The following OTP variants were observed in gnomAD, a reference collection of about 807,000 sequenced individuals.
OTP encodes the protein homeobox protein orthopedia.
In OTP, 5 loss-of-function variants were observed where a neutral mutation model predicts 22.3. That is an observed-to-expected ratio of 0.22 (90% CI 0.12 to 0.47). The LOEUF is 0.47. Among genes scored for constraint, OTP ranks in the 20% least tolerant of loss-of-function variants. The probability of loss-of-function intolerance (pLI) is 0.99; values close to 1 mark genes in which losing one functional copy is unlikely to be tolerated. For synonymous variants in OTP, 229 were observed against 210.6 expected, an observed-to-expected ratio of 1.09 and a Z score of -0.76; for missense variants, 428 against 456.2, an observed-to-expected ratio of 0.94 and a Z score of 0.56.
At chr5:77,636,581 T>G in intron 2 of OTP, 15 of 432,534 alleles carry the variant, frequency 3.5e-5, no homozygotes, top group Admixed American at 4.0e-5. Context: ...CGGGCTTCGA[T>G]TTTGAGGAGC....
chr5:77,633,653 A>G (rs1242053608), intron 2 of OTP, among the ~76,000 whole-genome samples: 2 of 152,184 alleles, frequency 1.3e-5, no homozygotes, highest in South Asian at 2.1e-4. Flanking sequence ...CACTTTCATG[A>G]TATCTGCTGT....
At chr5:77,631,080 T>A (rs1744922580) in intron 2 of OTP, among the ~76,000 whole-genome samples, 1 of 152,232 alleles carries the variant, frequency 6.6e-6, no homozygotes, top group Non-Finnish European at 1.5e-5. Flanking sequence ...ATGTGTGCAG[T>A]CTTCACCACG....
intron 2 of OTP, among the ~76,000 whole-genome samples, chr5:77,634,668 A>AAATT: frequency 6.6e-6 from 1 of 152,350 alleles, no homozygotes; most frequent in South Asian, 2.1e-4. Flanking sequence ...GCAATGGTAC[A>AAATT]GTGAATTGTG....
chr5:77,630,355 G>A lies in OTP; in HGVS notation c.887C>T (p.Ser296Phe), dbSNP rs1287409265. The change falls in exon 3 of 3, where the codon TCC becomes TTC. Residue 296 changes from serine to phenylalanine, a missense_variant. By Grantham distance (155) the Ser-to-Phe change is radical. This residue lies in a region of OTP where 236 missense variants were observed against 238.1 expected (regional missense o/e 0.99). Coordinates refer to ENST00000306422, the MANE Select transcript of OTP (RefSeq NM_032109.3). ...NVSGSPQLCS[S>F]PDSSDVWRGT... ...CCGCCACACGTCGCTGCTGTCCGGG[G>A]AGCTGCAGAGCTGGGGCGAACCGGA... 2 of 1,574,350 alleles carry A rather than the reference G, an allele frequency of 1.3e-6. No homozygotes were observed. The highest frequency in any genetic ancestry group is 1.7e-6 in the Non-Finnish European group (2 of 1,163,924).
chr5:77,637,938 G>A (rs1745035884), intron 1 of OTP, among the ~76,000 whole-genome samples: 1 of 152,154 alleles, frequency 6.6e-6, no homozygotes, highest in Admixed American at 6.5e-5. Context: ...AATAAAAGGC[G>A]CATTCCTCAC....
At chr5:77,635,440 T>G (rs1043095576) in intron 2 of OTP, among the ~76,000 whole-genome samples, 1 of 152,240 alleles carries the variant, frequency 6.6e-6, no homozygotes, top group African/African-American at 2.4e-5. Context: ...GTCTAGGCCT[T>G]TCACTAGGAA....
chr5:77,636,548 C>G (rs1745010455), intron 2 of OTP: 1 of 392,350 alleles, frequency 2.5e-6, no homozygotes. Flanking sequence ...GCGGAGGAGG[C>G]GAACCCTGTA....
At chr5:77,634,807 A>T (rs1339934697) in intron 2 of OTP, among the ~76,000 whole-genome samples, 1 of 152,236 alleles carries the variant, frequency 6.6e-6, no homozygotes, top group East Asian at 1.9e-4. Context: ...TTTTAAAAAT[A>T]TTGAAATTGC....
At position 77,630,181 on chromosome 5, in the gene OTP, CG is replaced by C; in HGVS notation, c.*82del. ...GCCGGGGCGGGACGGGGCAGGGCGC[CG>C]GGGTCCGGGTGCGCGCCGGAAGGGC... On this transcript the variant is annotated 3_prime_UTR_variant, in exon 3 of 3. Coordinates refer to ENST00000306422, the MANE Select transcript of OTP (RefSeq NM_032109.3). 1.1e-6 allele frequency: 1 copy of C among 918,892 alleles called. No homozygotes were observed. The highest frequency in any genetic ancestry group is 3.7e-5 in the East Asian group (1 of 27,344). The allele number at this position is 918,892 out of a possible 1,614,324, so 56.9% of individuals were successfully genotyped here.
intron 2 of OTP, among the ~76,000 whole-genome samples, chr5:77,632,916 A>G (rs1744952522): frequency 6.6e-6 from 1 of 152,136 alleles, no homozygotes; most frequent in East Asian, 1.9e-4. Flanking sequence ...AGGCACAGCG[A>G]GAAGACCTAA....
chr5:77,630,308 G>T lies in OTP; in HGVS notation c.934C>A (p.Arg312Ser), dbSNP rs766917107. The T allele has an allele frequency of 6.4e-7, 1 of 1,564,728 alleles. No individual in the cohort carries two copies. Among genetic ancestry groups the T allele is most frequent in the Non-Finnish European group, 8.6e-7 (1 of 1,158,384 alleles). Residue 312 changes from arginine (R) to serine (S), a missense_variant, in exon 3 of 3, where the codon CGC (arginine) becomes AGC (serine). Physicochemically the swap from Arg to Ser is moderately radical, Grantham distance 110. Coordinates refer to ENST00000306422, the MANE Select transcript of OTP (RefSeq NM_032109.3). ...ACTGTGTGCTCTAGCGCCTTGCGGC[G>T]GAGGGAGGCGATGCTGGTGCCCCGC... ...VWRGTSIASLRRKALEHTVSM... is the reference protein window; with the variant it reads ...VWRGTSIASLSRKALEHTVSM...
In OTP at chr5:77,638,685, G is replaced by T; in HGVS notation, c.-136C>A. 1 of 787,312 alleles carries T rather than the reference G, an allele frequency of 1.3e-6. No individual in the cohort carries two copies. Among genetic ancestry groups the T allele is most frequent in the Non-Finnish European group, 1.9e-6 (1 of 529,786 alleles). The allele number at this position is 787,312 out of a possible 1,614,324, so 48.8% of individuals were successfully genotyped here. ...TAAATGAAAGAAAATTCGGTTTGTGGTTAAAAAGGGGGCTTCTTGCATTAT... is the reference window on the plus strand; with the variant it reads ...TAAATGAAAGAAAATTCGGTTTGTGTTTAAAAAGGGGGCTTCTTGCATTAT... On this transcript the variant is annotated 5_prime_UTR_variant, in exon 1 of 3. Transcript: ENST00000306422.
At chr5:77,632,348 C>T (rs58858014) in intron 2 of OTP, among the ~76,000 whole-genome samples, 3,096 of 152,294 alleles carry the variant, frequency 0.02, 122 homozygotes, top group African/African-American at 0.072. Context: ...GGTCATCTGG[C>T]GTTTACTGTG....
chr5:77,634,229 T>G (rs1285980086), intron 2 of OTP, among the ~76,000 whole-genome samples: 1 of 152,236 alleles, frequency 6.6e-6, no homozygotes, highest in Non-Finnish European at 1.5e-5. Context: ...TTTGATCACA[T>G]AATTTGCATG....
chr5:77,636,633 CGTGTCCATTGG>C, intron 2 of OTP, 177 bp downstream of exon 2: 1 of 586,336 alleles, frequency 1.7e-6, no homozygotes. Flanking sequence ...ACGGGCCTTG[CGTGTCCATTGG>C]GGGATGGCGA....
chr5:77,635,621 A>G (rs975604787), intron 2 of OTP, among the ~76,000 whole-genome samples: 1 of 152,266 alleles, frequency 6.6e-6, no homozygotes, highest in African/African-American at 2.4e-5. Flanking sequence ...AGACAGAAAC[A>G]TTCAACGCTG....
rs962681020 is a variant in OTP at position 77,629,773 on chromosome 5, G to A, written c.*491C>T. On this transcript the variant is annotated 3_prime_UTR_variant, in exon 3 of 3. Coordinates refer to ENST00000306422, the MANE Select transcript of OTP (RefSeq NM_032109.3). ...GAGTCGACTCCCTGGTACGTAAAAT[G>A]GCGGGAAGGATACTTTTTGCCGGGC... is the stretch of plus-strand genomic sequence containing the variant. 6.2e-6 allele frequency: 1 copy of A among 160,246 alleles called. No homozygotes were observed. The highest frequency in any genetic ancestry group is 1.4e-5 in the Non-Finnish European group (1 of 72,928). The allele number at this position is 160,246 out of a possible 1,614,324, so 9.9% of individuals were successfully genotyped here.
intron 2 of OTP, among the ~76,000 whole-genome samples, chr5:77,631,841 A>G (rs7729333): frequency 0.48 from 72,726 of 151,678 alleles, 17,645 homozygotes; most frequent in African/African-American, 0.52. Context: ...AGGATTACAG[A>G]CGTGAGCCAC....
chr5:77,630,541 TGCGCCATGGCCTGCTGCCTGCCCA>T lies in OTP; in HGVS notation c.677_700del (p.Leu226_Ala233del). 1 of 1,581,614 alleles carries T rather than the reference TGCGCCATGGCCTGCTGCCTGCCCA, an allele frequency of 6.3e-7. No individual in the cohort carries two copies. Among genetic ancestry groups the T allele is most frequent in the East Asian group, 2.3e-5 (1 of 43,428 alleles). ...CGCCAGGCTGCACTGGGACAGCGACTGCGCCATGGCCTGCTGCCTGCCCAGCGCCGGCGGCAGAGGCAGCTGTGA... is the reference window on the plus strand; with the variant it reads ...CGCCAGGCTGCACTGGGACAGCGACTGCGCCGGCGGCAGAGGCAGCTGTGA... On this transcript the variant is annotated inframe_deletion, in exon 3 of 3. Transcript: ENST00000306422.
Sources: allele counts gnomAD v4.1 joint callset (sites outside exome capture counted in the v4.1 genomes callset), GRCh38; gene constraint gnomAD v4.1.1; regional missense constraint gnomAD v4.1.1; transcripts MANE v1.5; gene names NCBI Gene and HGNC (gene_info 2026-07-23, HGNC 2026-07-21).